PLBD1: variants seen among roughly 807,000 people sequenced by gnomAD.
The protein encoded by PLBD1 is lysosomal leucine aminopeptidase.
In PLBD1, 60 loss-of-function variants were observed where a neutral mutation model predicts 63.0. That is an observed-to-expected ratio of 0.95 (90% CI 0.77 to 1.18). The LOEUF (loss-of-function observed/expected upper bound fraction) is 1.18, where lower values mean the gene tolerates loss of function less well. Among genes scored for constraint, PLBD1 ranks in the 50% most tolerant of loss-of-function variants. The pLI, the probability that PLBD1 is intolerant of heterozygous loss-of-function variation, is 0.00. For missense variants in PLBD1, 598 were observed against 677.9 expected (o/e 0.88, Z 1.31); for synonymous variants, 262 against 248.0 (o/e 1.06, Z -0.53).
chr12:14,535,920 C>T, intron 5 of PLBD1, 117 bp from the exon 6 acceptor site: 2 of 1,052,438 alleles, frequency 1.9e-6, no homozygotes, highest in Non-Finnish European at 2.7e-6. Flanking sequence ...TATTGCTATA[C>T]TGATTATTGG....
intron 2 of PLBD1, among the ~76,000 whole-genome samples, chr12:14,552,140 C>G (rs1397883313): frequency 1.3e-5 from 2 of 152,138 alleles, no homozygotes; most frequent in Non-Finnish European, 2.9e-5. Context: ...AAGGCAGTAA[C>G]AGCCCAAGTA....
chr12:14,555,591 G>A (rs1339019563), intron 1 of PLBD1, among the ~76,000 whole-genome samples: 5 of 152,078 alleles, frequency 3.3e-5, no homozygotes, highest in African/African-American at 9.7e-5. Flanking sequence ...CTTGGCCTTC[G>A]TGACCTGGTT....
intron 6 of PLBD1, among the ~76,000 whole-genome samples, chr12:14,520,925 C>T (rs1487911861): frequency 6.6e-6 from 1 of 152,198 alleles, no homozygotes; most frequent in Non-Finnish European, 1.5e-5. Flanking sequence ...AATGAGCCCA[C>T]ATTGTGCCTC....
intron 6 of PLBD1, among the ~76,000 whole-genome samples, chr12:14,530,510 AC>A (rs1356017451): frequency 3.3e-5 from 5 of 152,232 alleles, no homozygotes; most frequent in African/African-American, 7.2e-5. Flanking sequence ...AGAATAAAAA[AC>A]ATTTTGATTA....
At chr12:14,531,953 A>G (rs776424026) in intron 6 of PLBD1, among the ~76,000 whole-genome samples, 1 of 152,208 alleles carries the variant, frequency 6.6e-6, no homozygotes, top group Non-Finnish European at 1.5e-5. Context: ...CATGTATTTG[A>G]AAGTAGGTAC....
chr12:14,510,049 AAC>A (rs1945284748), intron 8 of PLBD1, among the ~76,000 whole-genome samples: 3 of 152,142 alleles, frequency 2.0e-5, no homozygotes, highest in African/African-American at 7.2e-5. Context: ...CTCTTTGGGA[AAC>A]ACCTCATAAT....
chr12:14,549,052 T>G (rs780018386), intron 2 of PLBD1, among the ~76,000 whole-genome samples: 2 of 152,248 alleles, frequency 1.3e-5, no homozygotes, highest in Non-Finnish European at 2.9e-5. Context: ...CTTAGGGAAC[T>G]GTCCTATAGA....
At chr12:14,534,244 C>T (rs561308224) in intron 6 of PLBD1, among the ~76,000 whole-genome samples, 1 of 152,128 alleles carries the variant, frequency 6.6e-6, no homozygotes, top group South Asian at 2.1e-4. Flanking sequence ...CCATAAGTTA[C>T]GGATGCGTAA....
chr12:14,505,018 TTGAC>T (rs981286364), intron 10 of PLBD1, among the ~76,000 whole-genome samples: 1 of 152,078 alleles, frequency 6.6e-6, no homozygotes, highest in Non-Finnish European at 1.5e-5. Flanking sequence ...ACTTCACACA[TTGAC>T]TGAATGTTTG....
At chr12:14,562,459 CAAA>C (rs58838197) in intron 1 of PLBD1, among the ~76,000 whole-genome samples, 2 of 102,026 alleles carry the variant, frequency 2.0e-5, no homozygotes, top group Non-Finnish European at 1.8e-5. Context: ...GACTCCCTCT[CAAA>C]AAAAAAAAAA....
At chr12:14,505,864 T>C (rs974518726) in intron 10 of PLBD1, among the ~76,000 whole-genome samples, 5 of 152,214 alleles carry the variant, frequency 3.3e-5, no homozygotes, top group African/African-American at 9.6e-5. Context: ...GTTGTAAACA[T>C]TTTACAGAGA....
In PLBD1 at chr12:14,567,559, C is replaced by T. The variant is rs1013170740; in HGVS notation, c.115+23G>A. 7 of 1,480,726 alleles carry T rather than the reference C, an allele frequency of 4.7e-6. No homozygotes were observed. The African/African-American group carries it at 1.0e-4, about 22-fold the overall frequency. 91.7% of individuals were successfully genotyped at this position (1,480,726 alleles called of 1,614,324 possible). A position where few individuals can be genotyped will look rare whatever the true frequency, so the allele number is the denominator to read the frequency against. ...CCTAGGAGCCTCCCCGGGCGCCCCC[C>T]GCCCAGGGCGCGCTCTGCTCACCTG... On this transcript the variant is annotated intron_variant, in intron 1 of 10. Coordinates refer to ENST00000240617, the MANE Select transcript of PLBD1 (RefSeq NM_024829.6).
intron 8 of PLBD1, 66 bp from the exon 9 acceptor site, chr12:14,507,184 G>T: frequency 8.3e-7 from 1 of 1,211,338 alleles, no homozygotes; most frequent in Non-Finnish European, 1.2e-6. Flanking sequence ...AGGAGAGAGA[G>T]CAAAAGAAAT....
chr12:14,524,071 T>C (rs1945398119), intron 6 of PLBD1, among the ~76,000 whole-genome samples: 1 of 151,972 alleles, frequency 6.6e-6, no homozygotes, highest in South Asian at 2.1e-4. Flanking sequence ...AGACAAATAC[T>C]CCACAATCTC....
chr12:14,561,624 G>A (rs1253622598), intron 1 of PLBD1, among the ~76,000 whole-genome samples: 2 of 152,242 alleles, frequency 1.3e-5, no homozygotes, highest in African/African-American at 4.8e-5. Context: ...GCACGGTCTC[G>A]GCTCACCGCA....
chr12:14,535,717 G>A lies in PLBD1; in HGVS notation c.786C>T (p.Asp262=), dbSNP rs756004439. The stretch of plus-strand genomic sequence containing the variant: ...TGGTATCTTTATCTATGACGTTGAA[G>A]TCCCAGTGTTTATATATCCTGAGCA... ...AAMLRIYKHW[D]FNVIDKDTSS... Residue 262 remains aspartate (D), a synonymous_variant, in exon 6 of 11, where the codon GAC becomes GAT. Coordinates refer to ENST00000240617, the MANE Select transcript of PLBD1 (RefSeq NM_024829.6). 6.2e-7 allele frequency: 1 copy of A among 1,613,886 alleles called. No homozygotes were observed. The highest frequency in any genetic ancestry group is 8.5e-7 in the Non-Finnish European group (1 of 1,179,774).
chr12:14,518,858 G>T (rs370607375), intron 6 of PLBD1, among the ~76,000 whole-genome samples: 16 of 152,044 alleles, frequency 1.1e-4, no homozygotes, highest in South Asian at 8.3e-4. Context: ...TGGCCTGAAG[G>T]TTAGTAAAAC....
Position 14,553,173 on chromosome 12 carries a change from A to G in PLBD1, c.335+20T>C. On this transcript the variant is annotated intron_variant, in intron 2 of 10. Transcript: ENST00000240617. ...ACAGGGGTTGCCTGGCAGTGGCTCT[A>G]CCATGACTGGGATACTTACGGGGCA... 6.3e-7 allele frequency: 1 copy of G among 1,591,100 alleles called. No individual in the cohort carries two copies. The highest frequency in any genetic ancestry group is 8.6e-7 in the Non-Finnish European group (1 of 1,167,824).
intron 1 of PLBD1, among the ~76,000 whole-genome samples, chr12:14,563,583 T>C (rs1592012436): frequency 6.6e-6 from 1 of 152,184 alleles, no homozygotes; most frequent in East Asian, 1.9e-4. Context: ...CTGCCTGCCT[T>C]ATCAAGACAT....
Sources: gnomAD v4.1 joint callset for allele counts (sites outside exome capture counted in the v4.1 genomes callset) on GRCh38, gnomAD v4.1.1 for gene constraint, MANE v1.5 for transcripts, NCBI Gene and HGNC (gene_info 2026-07-23, HGNC 2026-07-21) for gene names.